Variants in TAOK3 observed in about 807,000 individuals in gnomAD.
TAOK3 encodes serine/threonine-protein kinase TAO3.
A neutral mutation model predicts 120.4 loss-of-function variants in TAOK3; 40 were observed. The observed-to-expected ratio is 0.33, with a 90% CI of 0.26 to 0.43. The LOEUF (loss-of-function observed/expected upper bound fraction) is 0.43, where lower values mean the gene tolerates loss of function less well. Among genes scored for constraint, TAOK3 ranks in the 20% least tolerant of loss-of-function variants. The probability of loss-of-function intolerance (pLI) is 1.00; values close to 1 mark genes in which losing one functional copy is unlikely to be tolerated. For synonymous variants in TAOK3, 355 were observed against 387.5 expected, an observed-to-expected ratio of 0.92 and a Z score of 0.99; for missense variants, 821 against 1,112.1, an observed-to-expected ratio of 0.74 and a Z score of 3.72.
chr12:118,242,386 A>C (rs371578920), intron 5 of TAOK3, among the ~76,000 whole-genome samples: 8 of 152,216 alleles, frequency 5.3e-5, no homozygotes, highest in African/African-American at 1.9e-4. Flanking sequence ...TAAGAACAAA[A>C]TTCCATTCCC....
At chr12:118,195,361 T>C (rs1176901136) in intron 13 of TAOK3, among the ~76,000 whole-genome samples, 1 of 152,214 alleles carries the variant, frequency 6.6e-6, no homozygotes, top group Non-Finnish European at 1.5e-5. Context: ...CTTAGGATAT[T>C]ATTAAAATCT....
rs780437286 is a variant in TAOK3 at position 118,172,602 on chromosome 12, T to C, written c.1754A>G (p.His585Arg). ...KKEKQERISK[H>R]KENLQHTQAE... ...CTGTGTGTGCTGCAAGTTCTCTTTA[T>C]GTTTGGAGATCCGCTCTTGCTTCTC... Residue 585 changes from histidine (H) to arginine (R), a missense_variant, in exon 17 of 21, where the codon CAT (histidine) becomes CGT (arginine). By Grantham distance (29) the His-to-Arg change is conservative. Coordinates refer to ENST00000392533, the MANE Select transcript of TAOK3 (RefSeq NM_016281.4). The C allele has an allele frequency of 3.7e-6, 6 of 1,614,212 alleles. 1 individual carries two copies. The South Asian group carries it at 5.5e-5, about 15-fold the overall frequency.
At chr12:118,318,203 G>A (rs1223656420) in intron 1 of TAOK3, among the ~76,000 whole-genome samples, 5 of 150,034 alleles carry the variant, frequency 3.3e-5, no homozygotes, top group Admixed American at 6.7e-5. Context: ...CTGTCACCAG[G>A]CTGGAGCGCA....
rs561943167 is a variant in TAOK3 at position 118,174,074 on chromosome 12, G to A, written c.1696-1414C>T. Among the ~76,000 whole-genome samples, 14 of 152,168 alleles carry A rather than the reference G, an allele frequency of 9.2e-5. No individual in the cohort carries two copies. The South Asian group carries it at 2.7e-3, about 29-fold the overall frequency. On this transcript the variant is annotated intron_variant, in intron 16 of 20. Coordinates refer to ENST00000392533, the MANE Select transcript of TAOK3 (RefSeq NM_016281.4). Reference sequence around the variant, plus strand: ...CTTCATGCCGTGATGTCACTACTTGGTTGGCCATTAACCACTAGACTGCAG... The same window carrying A: ...CTTCATGCCGTGATGTCACTACTTGATTGGCCATTAACCACTAGACTGCAG...
At position 118,161,800 on chromosome 12, in the gene TAOK3, T is replaced by C. The variant is rs1157902363; in HGVS notation, c.2127A>G (p.Pro709=). 1 of 1,614,236 alleles carries C rather than the reference T, an allele frequency of 6.2e-7. No homozygotes were observed. Among genetic ancestry groups the C allele is most frequent in the Non-Finnish European group, 8.5e-7 (1 of 1,180,034 alleles). ...GCACAAATCTTACCTTTAAGTTTTT[T>C]GGCTGTTGCCGAAGTTCCATGACAT... The part of the protein sequence containing the change: ...RKHVMELRQQ[P]KNLKAMEMQI... The change falls in exon 18 of 21, where the codon CCA becomes CCG. Residue 709 remains proline, a synonymous_variant. Coordinates refer to ENST00000392533, the MANE Select transcript of TAOK3 (RefSeq NM_016281.4). This position sits in a 1 kb window ranked among gnomAD's most constrained non-coding sequence, Gnocchi z 4.5.
At chr12:118,260,550 G>A (rs979856528) in intron 2 of TAOK3, among the ~76,000 whole-genome samples, 4 of 152,078 alleles carry the variant, frequency 2.6e-5, no homozygotes, top group Non-Finnish European at 4.4e-5. Context: ...TAAAATTAGT[G>A]GTCAAGGACA....
intron 9 of TAOK3, among the ~76,000 whole-genome samples, chr12:118,215,505 C>G (rs953042498): frequency 2.0e-5 from 3 of 151,826 alleles, no homozygotes; most frequent in East Asian, 2.0e-4. Context: ...GAGTGAGACT[C>G]TGTCTCAAAA....
intron 1 of TAOK3, among the ~76,000 whole-genome samples, chr12:118,330,417 C>T (rs117743532): frequency 6.6e-6 from 1 of 152,062 alleles, no homozygotes; most frequent in African/African-American, 2.4e-5. Context: ...TTAAAATATG[C>T]CAGAGCAGCT....
Position 118,160,168 on chromosome 12 carries a change from T to C in TAOK3, c.2330A>G (p.Asn777Ser), listed in dbSNP as rs755082778. ...TACCGCTTGAGAGGCCATCATTTCA[T>C]TTATACTCTGTTCATACTGCTCTGC... ...ILAEQYEQSI[N>S]EMMASQALRL... The change falls in exon 19 of 21, where the codon AAT (asparagine) becomes AGT (serine). Residue 777 changes from asparagine (N) to serine (S), a missense_variant. Asn to Ser is a conservative substitution (Grantham distance 46). Transcript: ENST00000392533. This position sits in a 1 kb window ranked among gnomAD's most constrained non-coding sequence, Gnocchi z 4.2. 1 of 1,614,194 alleles carries C rather than the reference T, an allele frequency of 6.2e-7. No individual in the cohort carries two copies. The highest frequency in any genetic ancestry group is 8.5e-7 in the Non-Finnish European group (1 of 1,179,996).
At position 118,264,337 on chromosome 12, in the gene TAOK3, AAATG is replaced by A. The variant is rs368270536; in HGVS notation, c.-89+2314_-89+2317del. ...GGAAACAACCCAAATGTATATCAACAAATGAATGGACAATCTGTGATAAATACAA... is the reference window on the plus strand; with the variant it reads ...GGAAACAACCCAAATGTATATCAACAAATGGACAATCTGTGATAAATACAA... On this transcript the variant is annotated intron_variant, in intron 2 of 20. Coordinates refer to ENST00000392533, the MANE Select transcript of TAOK3 (RefSeq NM_016281.4). Among the ~76,000 whole-genome samples the A allele has an allele frequency of 3.0e-4, 46 of 152,364 alleles. 1 individual carries two copies. The South Asian group carries it at 6.8e-3, about 23-fold the overall frequency.
chr12:118,216,262 G>A (rs910376002), intron 9 of TAOK3, among the ~76,000 whole-genome samples: 16 of 152,098 alleles, frequency 1.1e-4, no homozygotes, highest in African/African-American at 3.6e-4. Context: ...CAAAGTGCTG[G>A]GAGTATAGGC....
chr12:118,278,390 C>A (rs1285775227), intron 1 of TAOK3, among the ~76,000 whole-genome samples: 1 of 152,042 alleles, frequency 6.6e-6, no homozygotes. Flanking sequence ...TGAGAACATG[C>A]AGTATTTGGT....
chr12:118,319,708 A>G (rs1019354775), intron 1 of TAOK3, among the ~76,000 whole-genome samples: 13 of 152,208 alleles, frequency 8.5e-5, no homozygotes, highest in Non-Finnish European at 1.8e-4. Flanking sequence ...AGTGTTGGTG[A>G]GGATGTGAAG....
rs1353460096 is a variant in TAOK3, at chr12:118,372,295, G to A, written c.-194+353C>T. On this transcript the variant is annotated intron_variant, in intron 1 of 20. Coordinates refer to ENST00000392533, the MANE Select transcript of TAOK3 (RefSeq NM_016281.4). The surrounding 1 kb of genome is among the most constrained non-coding windows in gnomAD (Gnocchi z 4.6). ...ACCTTTTCTGGGACCTGGTCCTTCA[G>A]GGGACCCCCTCCCCTCATCCCCCTA... is the stretch of plus-strand genomic sequence containing the variant. Among the ~76,000 whole-genome samples, 1 of 148,556 alleles carries A rather than the reference G, an allele frequency of 6.7e-6. No individual in the cohort carries two copies. Among genetic ancestry groups the A allele is most frequent in the African/African-American group, 2.5e-5 (1 of 40,000 alleles).
At position 118,181,542 on chromosome 12, in the gene TAOK3, C is replaced by T; in HGVS notation, c.1395G>A (p.Lys465=). The stretch of plus-strand genomic sequence containing the variant: ...GCTTCTGGTGCTGGCGCCGCATCCG[C>T]TTATAACCTGACATCTGTTCCCGCA... The part of the protein sequence containing the change: ...NELREQMSGY[K]RMRRQHQKQL... Residue 465 remains lysine (K), a synonymous_variant, in exon 15 of 21, where the codon AAG becomes AAA. Transcript: ENST00000392533. 6.2e-7 allele frequency: 1 copy of T among 1,614,196 alleles called. No homozygotes were observed. The highest frequency in any genetic ancestry group is 8.5e-7 in the Non-Finnish European group (1 of 1,180,038).
chr12:118,279,567 A>G (rs193050600), intron 1 of TAOK3, among the ~76,000 whole-genome samples: 1 of 147,700 alleles, frequency 6.8e-6, no homozygotes, highest in East Asian at 2.0e-4. Flanking sequence ...TAAGTCTTTA[A>G]TCCATCTTGA....
At chr12:118,172,023 G>A (rs1316038505) in intron 17 of TAOK3, among the ~76,000 whole-genome samples, 1 of 152,034 alleles carries the variant, frequency 6.6e-6, no homozygotes, top group African/African-American at 2.4e-5. Flanking sequence ...TGGTATCCCT[G>A]GTGTCTAGCA....
chr12:118,217,446 G>A (rs2038961157), intron 9 of TAOK3, among the ~76,000 whole-genome samples: 1 of 152,004 alleles, frequency 6.6e-6, no homozygotes, highest in African/African-American at 2.4e-5. Flanking sequence ...CAGAACTTTG[G>A]GAGACTAAGC....
intron 1 of TAOK3, among the ~76,000 whole-genome samples, chr12:118,328,002 T>C (rs1215499156): frequency 6.6e-6 from 1 of 152,094 alleles, no homozygotes; most frequent in Non-Finnish European, 1.5e-5. Context: ...AGTGTTTATA[T>C]GCAGAACTAA....
Sources: allele counts gnomAD v4.1 joint callset (sites outside exome capture counted in the v4.1 genomes callset), GRCh38; gene constraint gnomAD v4.1.1; non-coding constraint Gnocchi (gnomAD v3.1); transcripts MANE v1.5; gene names NCBI Gene and HGNC (gene_info 2026-07-23, HGNC 2026-07-21).